Variants in IL7 observed in about 807,000 individuals in gnomAD.
The protein encoded by IL7 is interleukin-7.
IL7 carries 3 observed loss-of-function variants against 21.6 expected under a neutral mutation model. That is an observed-to-expected ratio of 0.14 (90% CI 0.06 to 0.36). IL7 has a LOEUF of 0.36. IL7 is among the 10% of genes least tolerant of loss of function. IL7 has a pLI of 1.00. For missense variants in IL7, 175 were observed against 200.2 expected (o/e 0.87, Z 0.76); for synonymous variants, 62 against 68.1 (o/e 0.91, Z 0.44).
chr8:78,717,594 T>C, downstream of IL7: 4 of 1,284,170 alleles, frequency 3.1e-6, no homozygotes, highest in Non-Finnish European at 4.2e-6. Context: ...CTAAAAATAC[T>C]CGAAATACCA....
At chr8:78,760,909 A>G (rs1205360199) in intron 2 of IL7, 5 of 1,560,824 alleles carry the variant, frequency 3.2e-6, no homozygotes, top group Non-Finnish European at 4.3e-6. Flanking sequence ...CAAAGAAGAC[A>G]TCAGAGGTTT....
At chr8:78,682,526 C>T (rs562308011) in intron 4 of IL7, among the ~76,000 whole-genome samples, 155 of 152,238 alleles carry the variant, frequency 1.0e-3, no homozygotes, top group South Asian at 1.7e-3. Flanking sequence ...TTCACTATCA[C>T]GAGCACAACA....
downstream of IL7, chr8:78,717,696 C>T: frequency 2.7e-6 from 1 of 363,666 alleles, no homozygotes; most frequent in Non-Finnish European, 4.8e-6. Context: ...ATATCTGATA[C>T]CCCAGACTGT....
chr8:78,774,631 G>A lies in IL7; in HGVS notation c.147+23441C>T, dbSNP rs1027043091. On this transcript the variant is annotated intron_variant, in intron 2 of 5. Transcript: ENST00000263851. ...ATTTAACTTACACCCATAACATAGC[G>A]TGTTTTCTAATACATGTCTCTGTGG... is the stretch of plus-strand genomic sequence containing the variant. Among the ~76,000 whole-genome samples the A allele has an allele frequency of 7.9e-5, 12 of 152,000 alleles. No individual in the cohort carries two copies. The South Asian group carries it at 1.5e-3, about 18-fold the overall frequency.
intron 4 of IL7, among the ~76,000 whole-genome samples, chr8:78,683,254 TC>T (rs1809849001): frequency 6.6e-6 from 1 of 152,224 alleles, no homozygotes; most frequent in Admixed American, 6.5e-5. Context: ...GACTCCAATC[TC>T]TTATTTCCCT....
At chr8:78,747,377 G>T (rs545247027) in intron 2 of IL7, among the ~76,000 whole-genome samples, 3 of 151,904 alleles carry the variant, frequency 2.0e-5, no homozygotes, top group African/African-American at 7.2e-5. Context: ...TAGACACTGG[G>T]TTTCACCATG....
chr8:78,676,582 A>G lies in IL7; in HGVS notation n.274-478T>C, dbSNP rs375549863. Among the ~76,000 whole-genome samples the G allele has an allele frequency of 2.6e-4, 40 of 152,158 alleles. No individual in the cohort carries two copies. In the East Asian group the frequency reaches 6.9e-3, roughly 26 times the overall value. On this transcript the variant is annotated intron_variant and non_coding_transcript_variant, in intron 4 of 4. Transcript: ENST00000523959. ...TAAGACAGAATTTTTCTGTGAATGT[A>G]TATCTGCTGATTAAAGTTCTGCCAT... is the stretch of plus-strand genomic sequence containing the variant.
rs751617280 is a variant in IL7, at chr8:78,804,936, C to T, written c.-14G>A. The T allele has an allele frequency of 6.8e-6, 11 of 1,611,088 alleles. No individual in the cohort carries two copies. Among genetic ancestry groups the T allele is most frequent in the South Asian group, 3.3e-5 (3 of 90,774 alleles). ...ACCATGGAACATGGTCTGCGGGAGG[C>T]GGGCGTAGTCATGATGACCGCAACT... On this transcript the variant is annotated 5_prime_UTR_variant, in exon 1 of 6. Transcript: ENST00000263851.
At chr8:78,692,330 ATCCCT>A in intron 3 of IL7, among the ~76,000 whole-genome samples, 1 of 152,122 alleles carries the variant, frequency 6.6e-6, no homozygotes, top group Non-Finnish European at 1.5e-5. Context: ...TCCAATTCCA[ATCCCT>A]ATAGTTCAGT....
chr8:78,771,565 T>A (rs1056358120), intron 2 of IL7, among the ~76,000 whole-genome samples: 1 of 151,860 alleles, frequency 6.6e-6, no homozygotes, highest in Non-Finnish European at 1.5e-5. Flanking sequence ...AAACGCAGAG[T>A]CAAAAAATTG....
intron 2 of IL7, among the ~76,000 whole-genome samples, chr8:78,781,755 CT>C (rs1813338605): frequency 6.6e-6 from 1 of 152,094 alleles, no homozygotes; most frequent in Non-Finnish European, 1.5e-5. Context: ...CTGAATTTGA[CT>C]GTTGCCCTGT....
intron 3 of IL7, among the ~76,000 whole-genome samples, chr8:78,709,719 TAA>T (rs762270772): frequency 1.8e-4 from 24 of 130,342 alleles, no homozygotes; most frequent in Admixed American, 3.1e-4. Context: ...GCTGATGAAC[TAA>T]AAAAAAAAAA....
downstream of IL7, among the ~76,000 whole-genome samples, chr8:78,716,748 T>C (rs1482862690): frequency 2.6e-5 from 4 of 152,160 alleles, no homozygotes; most frequent in Non-Finnish European, 4.4e-5. Context: ...CCAAATCTCA[T>C]GTCAAATTGT....
intron 2 of IL7, among the ~76,000 whole-genome samples, chr8:78,755,223 G>T (rs2130745685): frequency 6.6e-6 from 1 of 151,398 alleles, no homozygotes; most frequent in East Asian, 1.9e-4. Context: ...TGTTGTTTTG[G>T]TTATAGCTTT....
intron 2 of IL7, among the ~76,000 whole-genome samples, chr8:78,751,707 G>A (rs1425883860): frequency 6.6e-6 from 1 of 152,072 alleles, no homozygotes; most frequent in South Asian, 2.1e-4. Context: ...AATGTGTAAT[G>A]ATCAAATCAG....
In IL7 at chr8:78,750,818, C is replaced by T. The variant is rs145190795; in HGVS notation, c.148-10736G>A. On this transcript the variant is annotated intron_variant, in intron 2 of 5. Coordinates refer to ENST00000263851, the MANE Select transcript of IL7 (RefSeq NM_000880.4). ...CAGCCTGGGCAACAGAGCGAGACTC[C>T]GTCTCAAAAAAAGAAAATAAATAAA... Among the ~76,000 whole-genome samples the T allele has an allele frequency of 8.7e-3, 1,329 of 151,950 alleles. 13 individuals are homozygous for T. Among genetic ancestry groups the T allele is most frequent in the African/African-American group, 0.03 (1,251 of 41,456 alleles).
intron 1 of IL7, 37 bp from the exon 2 acceptor site, chr8:78,798,245 A>G (rs780185699): frequency 2.1e-5 from 31 of 1,488,836 alleles, no homozygotes; most frequent in Non-Finnish European, 2.9e-5. Flanking sequence ...GCTAAATGTT[A>G]TATCGTATTG....
exon 5 of IL7, chr8:78,675,987 TTGTTCAAGG>T: frequency 1.1e-5 from 8 of 725,692 alleles, no homozygotes; most frequent in South Asian, 4.6e-5. Flanking sequence ...GTACTATTCT[TTGTTCAAGG>T]GTCTTGATTT....
At chr8:78,790,523 C>T (rs777202556) in intron 2 of IL7, among the ~76,000 whole-genome samples, 1 of 151,924 alleles carries the variant, frequency 6.6e-6, no homozygotes, top group Non-Finnish European at 1.5e-5. Context: ...ATTTGAAAAA[C>T]TACTACGTGT....
Sources: allele counts gnomAD v4.1 joint callset (sites outside exome capture counted in the v4.1 genomes callset), GRCh38; gene constraint gnomAD v4.1.1; transcripts MANE v1.5; gene names NCBI Gene and HGNC (gene_info 2026-07-23, HGNC 2026-07-21).